DIAPH3: variants seen among roughly 807,000 people sequenced by gnomAD.
DIAPH3 encodes protein diaphanous homolog 3.
DIAPH3 carries 117 observed loss-of-function variants against 144.3 expected under a neutral mutation model. That is an observed-to-expected ratio of 0.81 (90% CI 0.70 to 0.95). The LOEUF is 0.95. DIAPH3 is among the 40% of genes least tolerant of loss of function. The pLI is 0.00. For synonymous variants in DIAPH3, 519 were observed against 488.9 expected, an observed-to-expected ratio of 1.06 and a Z score of -0.81; for missense variants, 1,421 against 1,412.7, an observed-to-expected ratio of 1.01 and a Z score of -0.09.
At position 59,824,985 on chromosome 13, in the gene DIAPH3, T is replaced by C. The variant is rs76186199; in HGVS notation, c.3027+8122A>G. Among the ~76,000 whole-genome samples the C allele has an allele frequency of 2.9e-3, 433 of 151,928 alleles. 2 individuals are homozygous for C. Among genetic ancestry groups the C allele is most frequent in the African/African-American group, 9.7e-3 (402 of 41,468 alleles). ...CAGGTGATATTGCAAACTCAGAGAG[T>C]CCACATAACAGCTACATATGTCTAA... is the stretch of plus-strand genomic sequence containing the variant. On this transcript the variant is annotated intron_variant, in intron 24 of 27. Coordinates refer to ENST00000400324, the MANE Select transcript of DIAPH3 (RefSeq NM_001042517.2).
At chr13:60,091,276 C>T (rs2057922906) in intron 4 of DIAPH3, among the ~76,000 whole-genome samples, 1 of 152,092 alleles carries the variant, frequency 6.6e-6, no homozygotes, top group South Asian at 2.1e-4. Flanking sequence ...TATGTACATC[C>T]AGTGCTGCTT....
intron 25 of DIAPH3, among the ~76,000 whole-genome samples, chr13:59,794,122 A>G (rs2039464492): frequency 6.6e-6 from 1 of 152,224 alleles, no homozygotes; most frequent in South Asian, 2.1e-4. Context: ...GTAGGCTACT[A>G]TAAGTGTTCT....
chr13:59,869,248 C>T (rs925814586), intron 21 of DIAPH3, among the ~76,000 whole-genome samples: 3 of 152,210 alleles, frequency 2.0e-5, no homozygotes, highest in African/African-American at 7.2e-5. Context: ...AATGCCAGTA[C>T]ATATGCAGTG....
intron 27 of DIAPH3, among the ~76,000 whole-genome samples, chr13:59,732,025 T>G (rs2035914482): frequency 6.6e-6 from 1 of 152,158 alleles, no homozygotes; most frequent in African/African-American, 2.4e-5. Flanking sequence ...CGGATTAGAT[T>G]AGAACAACAT....
In DIAPH3 at chr13:60,008,606, TTTC is replaced by T; in HGVS notation, c.949_951del (p.Glu317del). On this transcript the variant is annotated inframe_deletion, in exon 9 of 28. Transcript: ENST00000400324. Reference sequence around the variant, plus strand: ...ATACAAAAAAATCTGTCAATTTTTTTTTCTTCACCAGCTGAAGTTAAAGCTTCT... The same window carrying T: ...ATACAAAAAAATCTGTCAATTTTTTTTTCACCAGCTGAAGTTAAAGCTTCT... 6.2e-7 allele frequency: 1 copy of T among 1,613,874 alleles called. No homozygotes were observed. Among genetic ancestry groups the T allele is most frequent in the Middle Eastern group, 1.7e-4 (1 of 6,002 alleles).
At chr13:60,095,414 C>A (rs575643791) in intron 3 of DIAPH3, among the ~76,000 whole-genome samples, 3 of 152,012 alleles carry the variant, frequency 2.0e-5, no homozygotes, top group Admixed American at 2.0e-4. Flanking sequence ...ACTCACTTAG[C>A]TATATGCAAA....
intron 4 of DIAPH3, among the ~76,000 whole-genome samples, chr13:60,053,017 C>T (rs1267954792): frequency 7.8e-6 from 1 of 128,096 alleles, no homozygotes; most frequent in African/African-American, 3.1e-5. Context: ...TCACACACAC[C>T]TCTTAAATTA....
chr13:59,951,233 G>A (rs1162535486), intron 17 of DIAPH3, among the ~76,000 whole-genome samples: 1 of 152,026 alleles, frequency 6.6e-6, no homozygotes, highest in African/African-American at 2.4e-5. Flanking sequence ...TTGTGATAGT[G>A]AGTGAATTCT....
At chr13:59,976,050 C>G (rs913715749) in intron 14 of DIAPH3, among the ~76,000 whole-genome samples, 3 of 151,966 alleles carry the variant, frequency 2.0e-5, no homozygotes, top group African/African-American at 7.2e-5. Flanking sequence ...ACCTCCCTTG[C>G]ATAGTTTACC....
At chr13:59,911,706 A>G in intron 20 of DIAPH3, 29 bp downstream of exon 20, 4 of 1,549,416 alleles carry the variant, frequency 2.6e-6, no homozygotes, top group Non-Finnish European at 3.6e-6. Flanking sequence ...GGCACAGTAT[A>G]AAAATCCTCT....
At chr13:59,781,267 G>A (rs2038723682) in intron 25 of DIAPH3, among the ~76,000 whole-genome samples, 1 of 152,190 alleles carries the variant, frequency 6.6e-6, no homozygotes, top group Non-Finnish European at 1.5e-5. Flanking sequence ...GGCAAGAAAT[G>A]GTTTCCAAAT....
At position 59,786,589 on chromosome 13, in the gene DIAPH3, C is replaced by T. The variant is rs182206113; in HGVS notation, c.3164-11766G>A. ...GTTACAATCATTTTTGGAATATAAA[C>T]ATATTAAGGCACAAGATGTAAGAGT... On this transcript the variant is annotated intron_variant, in intron 25 of 27. Coordinates refer to ENST00000400324, the MANE Select transcript of DIAPH3 (RefSeq NM_001042517.2). Among the ~76,000 whole-genome samples, 4 of 152,010 alleles carry T rather than the reference C, an allele frequency of 2.6e-5. No individual in the cohort carries two copies. The East Asian group carries it at 7.7e-4, about 29-fold the overall frequency.
rs183314046 is a variant in DIAPH3 at position 59,958,647 on chromosome 13, T to C, written c.2074+11297A>G. Among the ~76,000 whole-genome samples the C allele has an allele frequency of 4.3e-4, 66 of 152,038 alleles. No homozygotes were observed. The East Asian group carries it at 0.011, about 25-fold the overall frequency. On this transcript the variant is annotated intron_variant, in intron 17 of 27. Coordinates refer to ENST00000400324, the MANE Select transcript of DIAPH3 (RefSeq NM_001042517.2). ...ATTATTTCCCAGAAAAAAATGAAGTTAGTAGTATATATTGTAAACTGCAAA... is the reference window on the plus strand; with the variant it reads ...ATTATTTCCCAGAAAAAAATGAAGTCAGTAGTATATATTGTAAACTGCAAA...
chr13:59,868,478 C>G (rs955212229), intron 21 of DIAPH3, among the ~76,000 whole-genome samples: 10 of 151,972 alleles, frequency 6.6e-5, no homozygotes, highest in Admixed American at 6.6e-4. Flanking sequence ...TCCTGTATAC[C>G]CTTCCCTACA....
intron 4 of DIAPH3, among the ~76,000 whole-genome samples, chr13:60,065,560 G>C (rs1381649620): frequency 6.6e-6 from 1 of 152,176 alleles, no homozygotes; most frequent in Non-Finnish European, 1.5e-5. Flanking sequence ...ACAAGGGAGA[G>C]AGAGATGAAA....
At chr13:59,867,267 G>A (rs2139975036) in intron 21 of DIAPH3, among the ~76,000 whole-genome samples, 1 of 151,034 alleles carries the variant, frequency 6.6e-6, no homozygotes. Flanking sequence ...CTGCGCTCCG[G>A]CATAGATGAC....
At chr13:59,866,810 G>T (rs2043952813) in intron 21 of DIAPH3, among the ~76,000 whole-genome samples, 1 of 151,838 alleles carries the variant, frequency 6.6e-6, no homozygotes. Context: ...GCATAAAATA[G>T]CATCCCTAAA....
At position 59,980,889 on chromosome 13, in the gene DIAPH3, T is replaced by C. The variant is rs1196009928; in HGVS notation, c.1481-30A>G. The C allele has an allele frequency of 2.5e-6, 4 of 1,582,424 alleles. No homozygotes were observed. In the Admixed American group the frequency reaches 5.0e-5, roughly 20 times the overall value. The stretch of plus-strand genomic sequence containing the variant: ...AATTGCAATGACAGGAAATTTTTAA[T>C]GTGAAACTTCTTAAACTCATTATGA... On this transcript the variant is annotated intron_variant, in intron 13 of 27. Transcript: ENST00000400324.
At chr13:59,682,890 C>T (rs1215502803) in intron 27 of DIAPH3, among the ~76,000 whole-genome samples, 1 of 152,106 alleles carries the variant, frequency 6.6e-6, no homozygotes, top group African/African-American at 2.4e-5. Flanking sequence ...CTAGTGATGA[C>T]CATAAACTAT....
Sources: gnomAD v4.1 joint callset for allele counts (sites outside exome capture counted in the v4.1 genomes callset) on GRCh38, gnomAD v4.1.1 for gene constraint, MANE v1.5 for transcripts, NCBI Gene and HGNC (gene_info 2026-07-23, HGNC 2026-07-21) for gene names.